SPATA13: variants seen among roughly 807,000 people sequenced by gnomAD.
SPATA13 encodes spermatogenesis-associated protein 13.
SPATA13 carries 50 observed loss-of-function variants against 104.0 expected under a neutral mutation model. The observed-to-expected ratio is 0.48, with a 90% CI of 0.38 to 0.61. The LOEUF is 0.61. Ranked by LOEUF, SPATA13 falls within the 20% of genes least tolerant of loss-of-function variation. SPATA13 has a pLI of 0.00. For missense variants in SPATA13, 1,524 were observed against 1,690.6 expected (o/e 0.90, Z 1.73); for synonymous variants, 606 against 667.5 (o/e 0.91, Z 1.42).
At chr13:24,289,686 C>T (rs1218224449) in intron 8 of SPATA13, among the ~76,000 whole-genome samples, 1 of 152,200 alleles carries the variant, frequency 6.6e-6, no homozygotes, top group Non-Finnish European at 1.5e-5. Flanking sequence ...CATGCGGCTC[C>T]AGGACGCATG....
chr13:24,255,390 A>C lies in SPATA13; in HGVS notation c.2164+3528A>C, dbSNP rs146457197. Among the ~76,000 whole-genome samples the C allele has an allele frequency of 3.3e-3, 500 of 151,918 alleles. 1 individual carries two copies. The highest frequency in any genetic ancestry group is 4.5e-3 in the Non-Finnish European group (309 of 67,944). ...CGGGCTCTGCTTGCCAGCCCTGGAG[A>C]GTTCCTCCTACACAATGTTGTGGTA... On this transcript the variant is annotated intron_variant, in intron 4 of 12. Coordinates refer to ENST00000382108, the MANE Select transcript of SPATA13 (RefSeq NM_001166271.3).
chr13:24,065,513 G>A (rs9507236), intron 3 of SPATA13, among the ~76,000 whole-genome samples: 152,181 of 152,322 alleles, frequency 1, 76,020 homozygotes, highest in Non-Finnish European at 1. Context: ...CCCAGCCAAC[G>A]CTGAGAACTC....
intron 1 of SPATA13, among the ~76,000 whole-genome samples, chr13:24,217,816 C>A (rs907602307): frequency 1.3e-5 from 2 of 152,106 alleles, no homozygotes; most frequent in African/African-American, 4.8e-5. Flanking sequence ...AGGGCTGGAG[C>A]CACAGAGACA....
intron 1 of SPATA13, among the ~76,000 whole-genome samples, chr13:24,171,516 A>G (rs1882967327): frequency 6.6e-6 from 1 of 152,190 alleles, no homozygotes; most frequent in Non-Finnish European, 1.5e-5. Flanking sequence ...TGCCACAAGG[A>G]TGGGTGAATG....
chr13:24,150,199 G>A (rs1228182489), intron 3 of SPATA13, among the ~76,000 whole-genome samples: 5 of 152,084 alleles, frequency 3.3e-5, no homozygotes, highest in African/African-American at 9.7e-5. Flanking sequence ...CCCGTCTCCC[G>A]TGCTCTCCTC....
chr13:24,097,162 C>A (rs1204815353), intron 3 of SPATA13, among the ~76,000 whole-genome samples: 1 of 152,046 alleles, frequency 6.6e-6, no homozygotes, highest in African/African-American at 2.4e-5. Flanking sequence ...GTCAGTGCAC[C>A]CGGCATGGGT....
At chr13:24,133,670 C>G (rs1423081042) in intron 3 of SPATA13, among the ~76,000 whole-genome samples, 1 of 152,170 alleles carries the variant, frequency 6.6e-6, no homozygotes, top group Non-Finnish European at 1.5e-5. Context: ...GGAGGCCCAG[C>G]TGAGCTGAGC....
chr13:24,122,272 T>C (rs1225438921), intron 3 of SPATA13: 1 of 1,340,512 alleles, frequency 7.5e-7, no homozygotes, highest in Non-Finnish European at 1.1e-6. Flanking sequence ...GATTACGATT[T>C]TGAATAGTTT....
At chr13:24,052,988 T>C (rs1878414283) in intron 3 of SPATA13, among the ~76,000 whole-genome samples, 1 of 151,496 alleles carries the variant, frequency 6.6e-6, no homozygotes. Flanking sequence ...ATAACAGCTC[T>C]AATTCCCAAT....
chr13:24,129,015 A>T (rs1268382725), intron 3 of SPATA13, among the ~76,000 whole-genome samples: 4 of 152,240 alleles, frequency 2.6e-5, no homozygotes, highest in African/African-American at 9.6e-5. Context: ...ACACCGGGGT[A>T]AGTGACCCTT....
intron 3 of SPATA13, among the ~76,000 whole-genome samples, chr13:24,049,081 G>A (rs4769312): frequency 0.47 from 71,707 of 152,064 alleles, 19,219 homozygotes; most frequent in East Asian, 0.75. Context: ...GATAAGAAAT[G>A]TCTAAAGTCT....
At chr13:24,197,069 C>G (rs1423307049) in intron 1 of SPATA13, among the ~76,000 whole-genome samples, 1 of 152,126 alleles carries the variant, frequency 6.6e-6, no homozygotes, top group Non-Finnish European at 1.5e-5. Context: ...AAATAACAAC[C>G]AGAGGGCACC....
At chr13:24,103,011 C>T (rs1173513304) in intron 3 of SPATA13, among the ~76,000 whole-genome samples, 1 of 152,192 alleles carries the variant, frequency 6.6e-6, no homozygotes, top group East Asian at 1.9e-4. Flanking sequence ...CCCGTTTTCC[C>T]AGCACCTTTT....
chr13:24,165,332 C>T (rs1000249864), intron 1 of SPATA13, among the ~76,000 whole-genome samples: 1 of 152,212 alleles, frequency 6.6e-6, no homozygotes, highest in Non-Finnish European at 1.5e-5. Flanking sequence ...CATCTGCACC[C>T]TCCAAGAGGA....
chr13:24,102,671 A>C (rs1285854652), intron 3 of SPATA13, among the ~76,000 whole-genome samples: 3 of 151,882 alleles, frequency 2.0e-5, no homozygotes, highest in African/African-American at 7.3e-5. Context: ...ATGGGGTTTC[A>C]CCACGTGGGC....
At chr13:24,233,149 T>C (rs2138630016) in intron 2 of SPATA13, among the ~76,000 whole-genome samples, 1 of 152,380 alleles carries the variant, frequency 6.6e-6, no homozygotes, top group Admixed American at 6.5e-5. Flanking sequence ...TCCATATTCC[T>C]CTGGGTTCTC....
intron 3 of SPATA13, among the ~76,000 whole-genome samples, chr13:24,050,092 G>A (rs1490780257): frequency 5.9e-5 from 9 of 152,014 alleles, no homozygotes; most frequent in Admixed American, 4.6e-4. Context: ...GGCTGGTCTC[G>A]AACTCCTGAC....
chr13:24,195,762 G>A (rs1870021382), intron 1 of SPATA13, among the ~76,000 whole-genome samples: 1 of 152,148 alleles, frequency 6.6e-6, no homozygotes, highest in African/African-American at 2.4e-5. Context: ...TTCCCGAAGA[G>A]AGGAAGGTGA....
intron 3 of SPATA13, among the ~76,000 whole-genome samples, chr13:24,044,433 G>A (rs1337425171): frequency 1.3e-5 from 2 of 151,928 alleles, no homozygotes; most frequent in Non-Finnish European, 2.9e-5. Context: ...GGGTTTCACC[G>A]TGTTGGCCAA....
Sources: gnomAD v4.1 joint callset for allele counts (sites outside exome capture counted in the v4.1 genomes callset) on GRCh38, gnomAD v4.1.1 for gene constraint, MANE v1.5 for transcripts, NCBI Gene and HGNC (gene_info 2026-07-23, HGNC 2026-07-21) for gene names.